The following DNAI3 variants were observed in gnomAD, a reference collection of about 807,000 sequenced individuals.
DNAI3 encodes WD repeat domain 63.
DNAI3 carries 83 observed loss-of-function variants against 115.5 expected under a neutral mutation model. That is an observed-to-expected ratio of 0.72 (90% CI 0.60 to 0.86). The LOEUF (loss-of-function observed/expected upper bound fraction) is 0.86, where lower values mean the gene tolerates loss of function less well. Among genes scored for constraint, DNAI3 ranks in the 40% least tolerant of loss-of-function variants. The pLI is 0.00. For synonymous variants in DNAI3, 320 were observed against 347.0 expected (o/e 0.92, Z 0.86); for missense variants, 1,004 against 1,075.8 (o/e 0.93, Z 0.93).
chr1:85,098,304 G>A (rs1655187386), intron 12 of DNAI3, among the ~76,000 whole-genome samples: 1 of 152,138 alleles, frequency 6.6e-6, no homozygotes, highest in African/African-American at 2.4e-5. Context: ...TATGGAGTAG[G>A]TCAATAATAC....
intron 5 of DNAI3, among the ~76,000 whole-genome samples, chr1:85,082,981 C>T (rs191853154): frequency 6.7e-4 from 102 of 152,250 alleles, no homozygotes; most frequent in Non-Finnish European, 1.1e-3. Flanking sequence ...TGCACATTTC[C>T]AGGGCTTTCA....
Position 85,077,050 on chromosome 1 carries a change from G to A in DNAI3, c.103+3958G>A, listed in dbSNP as rs571291550. Among the ~76,000 whole-genome samples the A allele has an allele frequency of 5.6e-4, 86 of 152,242 alleles. 2 individuals carry two copies. The South Asian group carries it at 0.018, about 31-fold the overall frequency. On this transcript the variant is annotated intron_variant, in intron 3 of 22. Coordinates refer to ENST00000294664, the MANE Select transcript of DNAI3 (RefSeq NM_145172.5). ...TAGTACATGCACATTTCCTTACATA[G>A]GGCTGTCACAAAGTAGGTTCATGTT...
At chr1:85,107,090 G>A (rs558795798) in intron 14 of DNAI3, among the ~76,000 whole-genome samples, 5 of 152,298 alleles carry the variant, frequency 3.3e-5, no homozygotes, top group African/African-American at 9.6e-5. Context: ...ACAAGTGTTG[G>A]TGAACGTGCA....
chr1:85,107,600 G>A (rs954371051), intron 14 of DNAI3, among the ~76,000 whole-genome samples: 2 of 152,148 alleles, frequency 1.3e-5, no homozygotes, highest in African/African-American at 2.4e-5. Flanking sequence ...ACTGCTAATA[G>A]GAAGCAACTG....
At chr1:85,122,179 C>T (rs746923669) in intron 18 of DNAI3, among the ~76,000 whole-genome samples, 7 of 152,144 alleles carry the variant, frequency 4.6e-5, no homozygotes, top group Non-Finnish European at 1.0e-4. Flanking sequence ...TTCAATAATT[C>T]AATAACCTGG....
chr1:85,083,577 A>G (rs992448412), intron 5 of DNAI3, among the ~76,000 whole-genome samples: 3 of 152,088 alleles, frequency 2.0e-5, no homozygotes, highest in African/African-American at 7.2e-5. Context: ...TATTTTTATG[A>G]TTGTTGTTCT....
intron 18 of DNAI3, among the ~76,000 whole-genome samples, chr1:85,122,937 G>A (rs1260148893): frequency 6.6e-6 from 1 of 152,146 alleles, no homozygotes; most frequent in Non-Finnish European, 1.5e-5. Context: ...TGTTACCTGA[G>A]TAAAGAGACC....
At chr1:85,097,768 AAAAAG>A (rs75881269) in intron 12 of DNAI3, 113 bp downstream of exon 12, 85 of 920,748 alleles carry the variant, frequency 9.2e-5, no homozygotes, top group African/African-American at 2.3e-4. Flanking sequence ...AAGGAAAAAA[AAAAAG>A]AATGTTATTT....
intron 16 of DNAI3, among the ~76,000 whole-genome samples, chr1:85,114,003 T>C (rs1325052962): frequency 3.7e-5 from 5 of 136,806 alleles, no homozygotes; most frequent in Non-Finnish European, 7.6e-5. Flanking sequence ...TGTATAAAAA[T>C]ACAATTTGTA....
intron 20 of DNAI3, among the ~76,000 whole-genome samples, chr1:85,127,549 A>G (rs1463970764): frequency 6.6e-6 from 1 of 152,116 alleles, no homozygotes; most frequent in Non-Finnish European, 1.5e-5. Flanking sequence ...CCTTTTTTAA[A>G]AGAAGAAGTT....
chr1:85,062,999 G>A (rs1335208424), intron 1 of DNAI3, among the ~76,000 whole-genome samples: 2 of 152,220 alleles, frequency 1.3e-5, no homozygotes, highest in African/African-American at 2.4e-5. Flanking sequence ...TTGAAAGTAA[G>A]GACATTGTCT....
intron 14 of DNAI3, among the ~76,000 whole-genome samples, chr1:85,105,616 A>G (rs1655467002): frequency 6.6e-6 from 1 of 152,100 alleles, no homozygotes; most frequent in African/African-American, 2.4e-5. Flanking sequence ...ATAGCTGACT[A>G]AATATAGAGT....
intron 2 of DNAI3, among the ~76,000 whole-genome samples, chr1:85,072,655 G>T (rs991770737): frequency 1.2e-4 from 11 of 95,322 alleles, no homozygotes; most frequent in South Asian, 3.5e-4. Context: ...AAAAAAAAAA[G>T]AAAAATAAAA....
At chr1:85,086,065 C>T in intron 7 of DNAI3, 35 bp downstream of exon 7, 1 of 1,584,186 alleles carries the variant, frequency 6.3e-7, no homozygotes, top group Non-Finnish European at 8.6e-7. Context: ...ATTTTATAGC[C>T]AGTTACAGTA....
chr1:85,077,134 A>T (rs566337696), intron 3 of DNAI3, among the ~76,000 whole-genome samples: 1 of 152,366 alleles, frequency 6.6e-6, no homozygotes, highest in African/African-American at 2.4e-5. Flanking sequence ...ATGCATGAGA[A>T]TAGAGTCCAA....
chr1:85,128,786 C>G lies in DNAI3; in HGVS notation c.2396C>G (p.Pro799Arg). ...ILEIPWTLSR[P>R]STNEMASVNH... ...GAAATTCCTTGGACATTAAGTCGCCCTTCCACCAATGAGGTTAGTAACTAA... is the reference window on the plus strand; with the variant it reads ...GAAATTCCTTGGACATTAAGTCGCCGTTCCACCAATGAGGTTAGTAACTAA... The change falls in exon 21 of 23, where the codon CCT becomes CGT. Residue 799 changes from proline (P) to arginine (R), a missense_variant. By Grantham distance (103) the Pro-to-Arg change is moderately radical (BLOSUM62 -2). This residue lies in a region of DNAI3 where 429 missense variants were observed against 454.3 expected (regional missense o/e 0.94). Transcript: ENST00000294664. 3.1e-6 allele frequency: 5 copies of G among 1,612,928 alleles called. No individual in the cohort carries two copies. The highest frequency in any genetic ancestry group is 4.2e-6 in the Non-Finnish European group (5 of 1,179,404).
chr1:85,071,111 A>G (rs1245224713), intron 1 of DNAI3, among the ~76,000 whole-genome samples: 1 of 152,232 alleles, frequency 6.6e-6, no homozygotes, highest in Non-Finnish European at 1.5e-5. Flanking sequence ...CTTCACAATC[A>G]CCTTGTGGGG....
Position 85,110,136 on chromosome 1 carries a change from G to T in DNAI3, c.1786+1G>T. 7 of 1,605,814 alleles carry T rather than the reference G, an allele frequency of 4.4e-6. No individual in the cohort carries two copies. The highest frequency in any genetic ancestry group is 5.1e-6 in the Non-Finnish European group (6 of 1,175,326). ...GACCATCTTCTTTGCAAAACACAAG[G>T]TAACTGCCTTTGCTTATTTAAAAAA... On this transcript the variant is annotated splice_donor_variant, in intron 16 of 22. Coordinates refer to ENST00000294664, the MANE Select transcript of DNAI3 (RefSeq NM_145172.5). LOFTEE classifies it high-confidence loss of function.
In DNAI3 at chr1:85,129,965, T is replaced by C. The variant is rs560751306; in HGVS notation, c.2410-25T>C. 2 of 1,596,698 alleles carry C rather than the reference T, an allele frequency of 1.3e-6. 1 individual carries two copies. The highest frequency in any genetic ancestry group is 2.3e-5 in the South Asian group (2 of 86,830). ...CATGGGGGCTTCCTGCCTGTCACCC[T>C]CTCATGGACTTCTGTTTCTAACAGA... On this transcript the variant is annotated intron_variant, in intron 21 of 22. Transcript: ENST00000294664.
Sources: gnomAD v4.1 joint callset for allele counts (sites outside exome capture counted in the v4.1 genomes callset) on GRCh38, gnomAD v4.1.1 for gene constraint, gnomAD v4.1.1 regional missense constraint, MANE v1.5 for transcripts, NCBI Gene and HGNC (gene_info 2026-07-23, HGNC 2026-07-21) for gene names.